Variants in TFEC observed in about 807,000 individuals in gnomAD.
TFEC encodes class E basic helix-loop-helix protein 34.
A neutral mutation model predicts 41.6 loss-of-function variants in TFEC; 31 were observed. The observed-to-expected ratio is 0.74, with a 90% CI of 0.56 to 1.01. The LOEUF (loss-of-function observed/expected upper bound fraction) is 1.01. Ranked by LOEUF, TFEC falls within the 50% of genes least tolerant of loss-of-function variation. The pLI, the probability that TFEC is intolerant of heterozygous loss-of-function variation, is 0.00. For synonymous variants in TFEC, 143 were observed against 140.6 expected (o/e 1.02, Z -0.12); for missense variants, 402 against 404.1 (o/e 0.99, Z 0.04).
chr7:116,003,833 C>CT (rs1794689662), intron 1 of TFEC, among the ~76,000 whole-genome samples: 1 of 151,820 alleles, frequency 6.6e-6, no homozygotes, highest in Non-Finnish European at 1.5e-5. Context: ...AAAAAGATAG[C>CT]TAAAAAAAAC....
At chr7:115,966,666 C>CT (rs1245977216) in intron 3 of TFEC, among the ~76,000 whole-genome samples, 1 of 151,774 alleles carries the variant, frequency 6.6e-6, no homozygotes, top group Non-Finnish European at 1.5e-5. Flanking sequence ...TCTTTATTAT[C>CT]TACCCTATAG....
chr7:116,099,139 G>A (rs1797544241), intron 3 of TFEC, among the ~76,000 whole-genome samples: 2 of 152,176 alleles, frequency 1.3e-5, no homozygotes, highest in African/African-American at 4.8e-5. Context: ...GATAGATAGG[G>A]AATAAATATT....
At chr7:116,028,273 G>A (rs555023411) in intron 1 of TFEC, among the ~76,000 whole-genome samples, 2 of 152,186 alleles carry the variant, frequency 1.3e-5, no homozygotes, top group South Asian at 2.1e-4. Flanking sequence ...GCTCTCATAG[G>A]CAAAGTATTG....
chr7:116,091,166 G>T (rs192840626), intron 3 of TFEC, among the ~76,000 whole-genome samples: 15 of 152,234 alleles, frequency 9.9e-5, no homozygotes, highest in African/African-American at 3.1e-4. Context: ...ACTTAAAAGA[G>T]AATACACAAG....
At chr7:115,971,107 C>A (rs1178562106) in intron 3 of TFEC, among the ~76,000 whole-genome samples, 1 of 152,012 alleles carries the variant, frequency 6.6e-6, no homozygotes, top group Non-Finnish European at 1.5e-5. Flanking sequence ...GTAACGACTA[C>A]TGCTTTCTTG....
At chr7:116,102,082 A>C (rs1432830465) in intron 3 of TFEC, among the ~76,000 whole-genome samples, 1 of 152,212 alleles carries the variant, frequency 6.6e-6, no homozygotes, top group Non-Finnish European at 1.5e-5. Context: ...CTTAATTATT[A>C]ATATAGAAAA....
chr7:116,096,401 T>G (rs1406461858), intron 3 of TFEC, among the ~76,000 whole-genome samples: 1 of 152,222 alleles, frequency 6.6e-6, no homozygotes, highest in African/African-American at 2.4e-5. Flanking sequence ...GAAATTAAAC[T>G]GTATTTCTCT....
intron 3 of TFEC, among the ~76,000 whole-genome samples, chr7:115,965,054 C>T (rs1054812879): frequency 1.3e-5 from 2 of 151,482 alleles, no homozygotes; most frequent in Non-Finnish European, 3.0e-5. Flanking sequence ...ACAATGCTGC[C>T]AGATTTTCTT....
chr7:115,958,934 G>GT (rs1278445744), intron 3 of TFEC, among the ~76,000 whole-genome samples: 1 of 151,774 alleles, frequency 6.6e-6, no homozygotes, highest in Non-Finnish European at 1.5e-5. Flanking sequence ...ATTAAAAGAT[G>GT]TAAGAGTCCA....
At chr7:116,078,617 C>T (rs925320544) in intron 3 of TFEC, among the ~76,000 whole-genome samples, 1 of 151,976 alleles carries the variant, frequency 6.6e-6, no homozygotes, top group Non-Finnish European at 1.5e-5. Flanking sequence ...ATATACAACC[C>T]TCCTAGATTA....
At chr7:116,086,843 A>G (rs118078329) in intron 3 of TFEC, among the ~76,000 whole-genome samples, 35 of 152,040 alleles carry the variant, frequency 2.3e-4, no homozygotes, top group Non-Finnish European at 4.9e-4. Flanking sequence ...TAATTATGCA[A>G]TTTCTACTCC....
intron 1 of TFEC, among the ~76,000 whole-genome samples, chr7:116,115,177 A>G (rs1421498446): frequency 6.6e-6 from 1 of 152,022 alleles, no homozygotes; most frequent in Non-Finnish European, 1.5e-5. Flanking sequence ...TCATCACAGA[A>G]GTAATTCAGG....
rs1160841890 is a variant in TFEC at position 115,939,744 on chromosome 7, A to C, written c.*807T>G. On this transcript the variant is annotated 3_prime_UTR_variant, in exon 8 of 8. Coordinates refer to ENST00000265440, the MANE Select transcript of TFEC (RefSeq NM_012252.4). ...TCAGAAGCATGAAGAAAACAAAAGAACATATACTACCTGAATGATGTGCAT... is the reference window on the plus strand; with the variant it reads ...TCAGAAGCATGAAGAAAACAAAAGACCATATACTACCTGAATGATGTGCAT... The C allele has an allele frequency of 6.6e-6, 1 of 152,024 alleles. No homozygotes were observed. Among genetic ancestry groups the C allele is most frequent in the Non-Finnish European group, 1.5e-5 (1 of 67,976 alleles). The allele number at this position is 152,024 out of a possible 1,614,324, so 9.4% of individuals were successfully genotyped here.
rs74586217 is a variant in TFEC, at chr7:116,074,418, T to C, written c.198+36290A>G. 7.2e-3 allele frequency among the ~76,000 whole-genome samples: 1,101 copies of C among 152,024 alleles called. 10 individuals carry two copies. Among genetic ancestry groups the C allele is most frequent in the African/African-American group, 0.025 (1,029 of 41,502 alleles). ...AACTCTTACAACTTATTTAAAAAGA[T>C]AAAAGAAACCCATTAAAAATGGGCA... On this transcript the variant is annotated intron_variant, in intron 3 of 8. Coordinates refer to the TFEC transcript ENST00000484212.
intron 1 of TFEC, among the ~76,000 whole-genome samples, chr7:116,140,487 T>G (rs1159962198): frequency 1.3e-5 from 2 of 152,218 alleles, no homozygotes; most frequent in Non-Finnish European, 2.9e-5. Flanking sequence ...GTAGATCCTC[T>G]CCAAATCCTG....
chr7:115,998,851 AAG>A (rs71137144), intron 1 of TFEC, among the ~76,000 whole-genome samples: 1 of 151,358 alleles, frequency 6.6e-6, no homozygotes, highest in Admixed American at 6.6e-5. Context: ...ATTAGCGCTA[AAG>A]AGAGAGAGAG....
intron 3 of TFEC, among the ~76,000 whole-genome samples, chr7:116,069,493 C>A (rs986607176): frequency 3.3e-5 from 5 of 151,596 alleles, no homozygotes; most frequent in African/African-American, 1.2e-4. Context: ...CCTCTAAAAC[C>A]TTCCTTGAAC....
chr7:116,016,158 C>G (rs1795183489), intron 1 of TFEC, among the ~76,000 whole-genome samples: 1 of 152,120 alleles, frequency 6.6e-6, no homozygotes, highest in Non-Finnish European at 1.5e-5. Context: ...TTAACAAAAT[C>G]AAATGCCTCA....
Position 116,025,119 on chromosome 7 carries a change from AAC to A in TFEC, c.-73+5512_-73+5513del, listed in dbSNP as rs551169322. 5.5e-4 allele frequency among the ~76,000 whole-genome samples: 84 copies of A among 152,344 alleles called. 1 individual carries two copies. The highest frequency in any genetic ancestry group is 1.3e-3 in the Admixed American group (20 of 15,290). ...GGCAATACATTTTGAGAAAATATGGAACACTAGAGATGTCCTGTGAAGAAAAG... is the reference window on the plus strand; with the variant it reads ...GGCAATACATTTTGAGAAAATATGGAACTAGAGATGTCCTGTGAAGAAAAG... On this transcript the variant is annotated intron_variant, in intron 1 of 7. Coordinates refer to ENST00000265440, the MANE Select transcript of TFEC (RefSeq NM_012252.4).
Sources: gnomAD v4.1 joint callset for allele counts (sites outside exome capture counted in the v4.1 genomes callset) on GRCh38, gnomAD v4.1.1 for gene constraint, MANE v1.5 for transcripts, NCBI Gene and HGNC (gene_info 2026-07-23, HGNC 2026-07-21) for gene names.